Variants in ACAP1 observed in about 807,000 individuals in gnomAD.
The protein encoded by ACAP1 is ArfGAP with coiled-coil, ankyrin repeat and PH domains 1, also known as arf-GAP with coiled-coil, ANK repeat and PH domain-containing protein 1.
ACAP1 carries 45 observed loss-of-function variants against 98.8 expected under a neutral mutation model. The ratio of observed to expected loss-of-function variants is 0.46; its 90% CI spans 0.36 to 0.58. ACAP1 has a LOEUF of 0.58. Ranked by LOEUF, ACAP1 falls within the 20% of genes least tolerant of loss-of-function variation. ACAP1 has a pLI of 0.00. For missense variants in ACAP1, 735 were observed against 971.4 expected, an observed-to-expected ratio of 0.76 and a Z score of 3.24; for synonymous variants, 362 against 375.3, an observed-to-expected ratio of 0.96 and a Z score of 0.41.
chr17:7,349,346 G>T, intron 18 of ACAP1, 179 bp downstream of exon 18: 10 of 600,506 alleles, frequency 1.7e-5, no homozygotes, highest in South Asian at 5.0e-5. Flanking sequence ...GAGAACCTGA[G>T]TTTGAACCCA....
chr17:7,350,291 C>A lies in ACAP1; in HGVS notation c.2072+54C>A. ...CGCTGGGACTCCCCCCACCCCCGCC[C>A]ACCCACGTTCGGGCGGGCGGGCGGG... is the stretch of plus-strand genomic sequence containing the variant. On this transcript the variant is annotated intron_variant, in intron 20 of 21. Transcript: ENST00000158762. This position sits in a 1 kb window ranked among gnomAD's most constrained non-coding sequence, Gnocchi z 4.6. The A allele has an allele frequency of 2.8e-6, 4 of 1,441,624 alleles. No homozygotes were observed. Among genetic ancestry groups the A allele is most frequent in the Non-Finnish European group, 2.9e-6 (3 of 1,037,260 alleles). 89.3% of individuals were successfully genotyped at this position (1,441,624 alleles called of 1,614,324 possible). A position where few individuals can be genotyped will look rare whatever the true frequency, so the allele number is the denominator to read the frequency against.
Position 7,343,612 on chromosome 17 carries a change from C to T in ACAP1, c.528+50C>T. On this transcript the variant is annotated intron_variant, in intron 6 of 21. Transcript: ENST00000158762. The surrounding 1 kb of genome is among the most constrained non-coding windows in gnomAD (Gnocchi z 4.9). ...GGGGTACCAGAGCCTCAAGTGTCAC[C>T]TCGAGGCTTGGGGGTCTCCAGTGTG... 6.3e-7 allele frequency: 1 copy of T among 1,597,210 alleles called. No individual in the cohort carries two copies. Among genetic ancestry groups the T allele is most frequent in the Non-Finnish European group, 8.6e-7 (1 of 1,169,142 alleles).
intron 2 of ACAP1, among the ~76,000 whole-genome samples, chr17:7,340,087 C>T (rs966554079): frequency 2.6e-5 from 4 of 151,806 alleles, no homozygotes; most frequent in Non-Finnish European, 5.9e-5. Context: ...ATAGCAAGAC[C>T]CTTGTCTCTA....
At chr17:7,342,621 C>T (rs2073297867) in intron 5 of ACAP1, 147 bp downstream of exon 5, 9 of 928,510 alleles carry the variant, frequency 9.7e-6, no homozygotes, top group South Asian at 3.2e-5. Flanking sequence ...AAAATTAGGC[C>T]GGGCACGGTG....
chr17:7,337,673 G>A (rs1249366005), intron 2 of ACAP1, among the ~76,000 whole-genome samples: 1 of 151,986 alleles, frequency 6.6e-6, no homozygotes, highest in Non-Finnish European at 1.5e-5. Context: ...GGCTAACATG[G>A]CGAAACCCCA....
At chr17:7,337,189 G>A (rs1338726381) in intron 1 of ACAP1, 123 bp from the exon 2 acceptor site, 3 of 878,704 alleles carry the variant, frequency 3.4e-6, no homozygotes, top group Non-Finnish European at 5.6e-6. Context: ...GTGGGTGGGG[G>A]GCGAGCCTCT....
chr17:7,342,572 C>A, intron 5 of ACAP1, 98 bp downstream of exon 5: 1 of 1,338,068 alleles, frequency 7.5e-7, no homozygotes, highest in South Asian at 1.2e-5. Flanking sequence ...TGGACACCAA[C>A]CTAGCCAACA....
intron 12 of ACAP1, 22 bp from the exon 13 acceptor site, chr17:7,346,786 T>A (rs1251380204): frequency 6.2e-7 from 1 of 1,602,690 alleles, no homozygotes; most frequent in Non-Finnish European, 8.5e-7. Flanking sequence ...CCCTCTGCCA[T>A]CTCCCTCACC....
rs1029088742 is a variant in ACAP1, at chr17:7,349,259, C to A, written c.1851+92C>A. The A allele has an allele frequency of 1.4e-5, 20 of 1,406,456 alleles. No individual in the cohort carries two copies. In the Admixed American group the frequency reaches 4.1e-4, roughly 29 times the overall value. The allele number at this position is 1,406,456 out of a possible 1,614,324, so 87.1% of individuals were successfully genotyped here. On this transcript the variant is annotated intron_variant, in intron 18 of 21. Transcript: ENST00000158762. ...TGCCCTTACCTCCTTTCCCCACCAC[C>A]TGTTCCCTAGGGCTTCCACCCATAG...
rs528079616 is a variant in ACAP1 at position 7,350,411 on chromosome 17, A to G, written c.2072+174A>G. The G allele has an allele frequency of 1.5e-4, 93 of 607,504 alleles. 1 individual carries two copies. In the African/African-American group the frequency reaches 1.7e-3, roughly 11 times the overall value. The allele number at this position is 607,504 out of a possible 1,614,324, so 37.6% of individuals were successfully genotyped here. On this transcript the variant is annotated intron_variant, in intron 20 of 21. Coordinates refer to ENST00000158762, the MANE Select transcript of ACAP1 (RefSeq NM_014716.4). This position sits in a 1 kb window ranked among gnomAD's most constrained non-coding sequence, Gnocchi z 4.6. ...TCGAGAAAGGCTGCGCGAAGTGTGC[A>G]CTGGGACGTGGAGTAGAAGGCAGGC...
At chr17:7,347,846 T>C in intron 14 of ACAP1, 76 bp from the exon 15 acceptor site, 4 of 1,305,000 alleles carry the variant, frequency 3.1e-6, no homozygotes, top group Non-Finnish European at 4.4e-6. Context: ...CCTCCCAGTG[T>C]CTTCAGGAGC....
chr17:7,349,155 G>C lies in ACAP1; in HGVS notation c.1839G>C (p.Gln613His), dbSNP rs1597655229. The change falls in exon 18 of 22, where the codon CAG becomes CAC. Residue 613 changes from glutamine (Q) to histidine (H), a missense_variant. Transcript: ENST00000158762. Reference protein sequence around the residue: ...GGQDNATPLIQATAANSLLAC... With the variant: ...GGQDNATPLIHATAANSLLAC... ...AAGATAATGCCACACCGCTGATCCA[G>C]GCCACAGCTGCTGTAAGAGCCCTGC... The C allele has an allele frequency of 2.5e-6, 4 of 1,613,860 alleles. No homozygotes were observed. In the South Asian group the frequency reaches 4.4e-5, roughly 18 times the overall value.
chr17:7,337,315 C>G lies in ACAP1; in HGVS notation c.57C>G (p.Ala19=), dbSNP rs528017384. 9.5e-5 allele frequency: 153 copies of G among 1,614,038 alleles called. No individual in the cohort carries two copies. In the South Asian group the frequency reaches 1.6e-3, roughly 17 times the overall value. The part of the protein sequence containing the change: ...ECLKDSPRFR[A]SIELVEAEVS... Reference sequence around the variant, plus strand: ...CCCATGACCCCCTCTTTCCCAGAGCCTCTATTGAGCTGGTGGAAGCCGAAG... The same window carrying G: ...CCCATGACCCCCTCTTTCCCAGAGCGTCTATTGAGCTGGTGGAAGCCGAAG... Residue 19 remains alanine, a synonymous_variant, in exon 2 of 22, where the codon GCC becomes GCG. Transcript: ENST00000158762.
At chr17:7,349,903 G>A (rs990325502) in intron 18 of ACAP1, 42 bp from the exon 19 acceptor site, 3 of 1,499,660 alleles carry the variant, frequency 2.0e-6, no homozygotes, top group Non-Finnish European at 2.7e-6. Flanking sequence ...TCCACCACTA[G>A]GGATGCCACC....
chr17:7,348,086 C>T (rs769671039), intron 15 of ACAP1, 41 bp from the exon 16 acceptor site: 1 of 1,611,918 alleles, frequency 6.2e-7, no homozygotes, highest in East Asian at 2.2e-5. Flanking sequence ...GTCACTCACC[C>T]CCACCTTCCC....
At position 7,344,464 on chromosome 17, in the gene ACAP1, G is replaced by C; in HGVS notation, c.745-75G>C. On this transcript the variant is annotated intron_variant, in intron 9 of 21. Coordinates refer to ENST00000158762, the MANE Select transcript of ACAP1 (RefSeq NM_014716.4). The surrounding 1 kb of genome is among the most constrained non-coding windows in gnomAD (Gnocchi z 4.9). ...AAAGCAGAAAGTAAGGGCTAGGGCT[G>C]TGGGCAGGAGGCAGATGCCTATGGC... is the stretch of plus-strand genomic sequence containing the variant. 5 of 1,054,092 alleles carry C rather than the reference G, an allele frequency of 4.7e-6. No individual in the cohort carries two copies. The highest frequency in any genetic ancestry group is 7.1e-6 in the Non-Finnish European group (5 of 706,334). The allele number at this position is 1,054,092 out of a possible 1,614,324, so 65.3% of individuals were successfully genotyped here.
chr17:7,350,133 C>T lies in ACAP1; in HGVS notation c.1968C>T (p.Ala656=). Residue 656 remains alanine, a synonymous_variant, in exon 20 of 22, where the codon GCC becomes GCT. Coordinates refer to ENST00000158762, the MANE Select transcript of ACAP1 (RefSeq NM_014716.4). This position sits in a 1 kb window ranked among gnomAD's most constrained non-coding sequence, Gnocchi z 4.6. ...HATILGHTGL[A]CLFLKRGADL... Reference sequence around the variant, plus strand: ...CCCTGGCTCTTCTCTCCAGGCTCGCCTGCCTGTTCCTGAAACGGGGAGCTG... The same window carrying T: ...CCCTGGCTCTTCTCTCCAGGCTCGCTTGCCTGTTCCTGAAACGGGGAGCTG... The T allele has an allele frequency of 6.2e-7, 1 of 1,614,218 alleles. No individual in the cohort carries two copies. Among genetic ancestry groups the T allele is most frequent in the Non-Finnish European group, 8.5e-7 (1 of 1,180,020 alleles).
chr17:7,348,216 C>T lies in ACAP1; in HGVS notation c.1503C>T (p.Cys501=). 4 of 1,613,674 alleles carry T rather than the reference C, an allele frequency of 2.5e-6. No homozygotes were observed. Among genetic ancestry groups the T allele is most frequent in the Non-Finnish European group, 3.4e-6 (4 of 1,179,748 alleles). ...AMAVKKPGPS[C]SRQEKEAWIH... ...CAGTGAAGAAACCAGGGCCCAGCTG[C>T]TCCCGGTGAGCTTGGGGTTTAGCCT... The change falls in exon 16 of 22, where the codon TGC becomes TGT. Residue 501 remains cysteine (C), a synonymous_variant. Transcript: ENST00000158762.
intron 10 of ACAP1, chr17:7,345,986 T>G: frequency 2.2e-6 from 1 of 462,380 alleles, no homozygotes; most frequent in Admixed American, 3.6e-5. Context: ...AGACATTTTA[T>G]TAGAAAAAGA....
Sources: gnomAD v4.1 joint callset for allele counts (sites outside exome capture counted in the v4.1 genomes callset) on GRCh38, gnomAD v4.1.1 for gene constraint, Gnocchi (gnomAD v3.1) non-coding constraint, MANE v1.5 for transcripts, NCBI Gene and HGNC (gene_info 2026-07-23, HGNC 2026-07-21) for gene names.